Variants in CFAP54 observed in about 807,000 individuals in gnomAD.
The protein encoded by CFAP54 is cilia- and flagella-associated protein 54.
In CFAP54, 290 loss-of-function variants were observed where a neutral mutation model predicts 370.4. The ratio of observed to expected loss-of-function variants is 0.78; its 90% CI spans 0.71 to 0.86. The LOEUF is 0.86. Ranked by LOEUF, CFAP54 falls within the 40% of genes least tolerant of loss-of-function variation. The pLI is 0.00. For synonymous variants in CFAP54, 1,206 were observed against 1,236.5 expected (o/e 0.98, Z 0.52); for missense variants, 3,399 against 3,528.7 (o/e 0.96, Z 0.93).
intron 45 of CFAP54, among the ~76,000 whole-genome samples, chr12:96,696,835 T>G (rs1443831310): frequency 6.6e-6 from 1 of 152,138 alleles, no homozygotes. Flanking sequence ...TGAGCAGAGT[T>G]TGCCTGACCT....
At chr12:96,593,023 G>C (rs760713604) in intron 24 of CFAP54, among the ~76,000 whole-genome samples, 1 of 152,060 alleles carries the variant, frequency 6.6e-6, no homozygotes, top group Non-Finnish European at 1.5e-5. Context: ...ATGAAAATGG[G>C]ATTATGATCT....
At chr12:96,728,081 C>T (rs563508943) in intron 50 of CFAP54, among the ~76,000 whole-genome samples, 1 of 152,266 alleles carries the variant, frequency 6.6e-6, no homozygotes, top group South Asian at 2.1e-4. Flanking sequence ...TGTGGGTAAC[C>T]CAACCTTTCT....
At chr12:96,729,430 C>T (rs970702206) in intron 50 of CFAP54, among the ~76,000 whole-genome samples, 8 of 152,214 alleles carry the variant, frequency 5.3e-5, no homozygotes, top group Non-Finnish European at 1.2e-4. Flanking sequence ...AGTTTGATCT[C>T]AGACTGCTGT....
At chr12:96,559,836 A>T (rs1361332193) in intron 17 of CFAP54, among the ~76,000 whole-genome samples, 2 of 152,072 alleles carry the variant, frequency 1.3e-5, no homozygotes, top group African/African-American at 2.4e-5. Context: ...TAATAATATT[A>T]TTGATTATAT....
At chr12:96,751,961 A>C (rs1958188528) in intron 55 of CFAP54, among the ~76,000 whole-genome samples, 1 of 152,048 alleles carries the variant, frequency 6.6e-6, no homozygotes, top group Non-Finnish European at 1.5e-5. Context: ...GGAGCCTCCC[A>C]GAAGCAACGG....
intron 65 of CFAP54, among the ~76,000 whole-genome samples, chr12:96,821,702 TAA>T (rs10577712): frequency 0.48 from 63,090 of 131,546 alleles, 14,727 homozygotes; most frequent in South Asian, 0.6. Flanking sequence ...AGCACTTTAT[TAA>T]AAAAAAAAAA....
chr12:96,548,436 G>T lies in CFAP54; in HGVS notation c.2154+458G>T, dbSNP rs558804667. Among the ~76,000 whole-genome samples, 9 of 151,874 alleles carry T rather than the reference G, an allele frequency of 5.9e-5. No homozygotes were observed. The South Asian group carries it at 1.7e-3, about 28-fold the overall frequency. ...TATTTGGGAGCCCCCTGAAATAGAA[G>T]AACAAGTGCTAATTTTAAAAGTGTT... On this transcript the variant is annotated intron_variant, in intron 15 of 67. Coordinates refer to ENST00000524981, the MANE Select transcript of CFAP54 (RefSeq NM_001306084.2).
At chr12:96,870,535 G>T (rs1225998484) in intron 67 of CFAP54, among the ~76,000 whole-genome samples, 2 of 152,152 alleles carry the variant, frequency 1.3e-5, no homozygotes, top group African/African-American at 2.4e-5. Context: ...GATACATAAA[G>T]CACCTAGAAC....
At chr12:96,588,652 A>G (rs1396952814) in intron 22 of CFAP54, among the ~76,000 whole-genome samples, 1 of 150,286 alleles carries the variant, frequency 6.7e-6, no homozygotes, top group Non-Finnish European at 1.5e-5. Flanking sequence ...ACTTCATTCC[A>G]TGAATGCATT....
rs1329783813 is a variant in CFAP54, at chr12:96,647,964, C to T, written c.4637C>T (p.Ala1546Val). The T allele has an allele frequency of 4.6e-6, 7 of 1,522,828 alleles. No homozygotes were observed. The highest frequency in any genetic ancestry group is 3.7e-5 in the South Asian group (3 of 80,464). 94.3% of individuals were successfully genotyped at this position (1,522,828 alleles called of 1,614,324 possible). The change falls in exon 34 of 68, where the codon GCA becomes GTA. Residue 1546 changes from alanine to valine, a missense_variant. By Grantham distance (64) the Ala-to-Val change is moderately conservative. This residue lies in a region of CFAP54 where 2,796 missense variants were observed against 2,869.7 expected (regional missense o/e 0.97). Transcript: ENST00000524981. The part of the protein sequence containing the change: ...TRKLTVENYK[A>V]MLDFLLTAKK... ...AAATTGACTGTAGAAAATTATAAAGCAATGCTTGATTTCCTTCTTACAGCC... is the reference window on the plus strand; with the variant it reads ...AAATTGACTGTAGAAAATTATAAAGTAATGCTTGATTTCCTTCTTACAGCC...
intron 48 of CFAP54, among the ~76,000 whole-genome samples, chr12:96,711,248 G>A (rs1016584041): frequency 1.3e-5 from 2 of 151,920 alleles, no homozygotes; most frequent in Middle Eastern, 3.2e-3. Flanking sequence ...AAGGTTAGTA[G>A]TAATGTTTCC....
At chr12:96,670,694 G>T (rs1483961997) in intron 39 of CFAP54, among the ~76,000 whole-genome samples, 1 of 152,192 alleles carries the variant, frequency 6.6e-6, no homozygotes, top group Non-Finnish European at 1.5e-5. Context: ...TATAAACAAG[G>T]CCAAGGCAAG....
chr12:96,542,860 T>C (rs1955592107), intron 14 of CFAP54, among the ~76,000 whole-genome samples: 1 of 152,210 alleles, frequency 6.6e-6, no homozygotes, highest in African/African-American at 2.4e-5. Flanking sequence ...GTCTCTTAAA[T>C]CTCTCTAATC....
chr12:96,573,707 G>A (rs902293133), intron 19 of CFAP54, among the ~76,000 whole-genome samples: 8 of 152,192 alleles, frequency 5.3e-5, no homozygotes, highest in Non-Finnish European at 1.0e-4. Context: ...GGAAACAGAT[G>A]TCATCTTATC....
intron 66 of CFAP54, among the ~76,000 whole-genome samples, chr12:96,854,706 G>A (rs1310660795): frequency 6.6e-6 from 1 of 152,170 alleles, no homozygotes; most frequent in East Asian, 1.9e-4. Flanking sequence ...CCTTTATTGA[G>A]TCATCATTGT....
intron 32 of CFAP54, among the ~76,000 whole-genome samples, chr12:96,637,151 A>G (rs1462150227): frequency 6.6e-6 from 1 of 152,170 alleles, no homozygotes; most frequent in African/African-American, 2.4e-5. Flanking sequence ...ATCATATAAT[A>G]TGTGGTCCTT....
At chr12:96,619,636 G>C (rs1336023304) in intron 26 of CFAP54, among the ~76,000 whole-genome samples, 1 of 152,024 alleles carries the variant, frequency 6.6e-6, no homozygotes, top group Non-Finnish European at 1.5e-5. Context: ...CCTTTGGCTG[G>C]AAAAAATTCT....
intron 1 of CFAP54, among the ~76,000 whole-genome samples, chr12:96,491,823 G>A (rs1373639879): frequency 2.6e-5 from 4 of 152,100 alleles, no homozygotes; most frequent in East Asian, 1.9e-4. Context: ...GTACTGCTGC[G>A]ATCTCAGCTT....
Position 96,753,746 on chromosome 12 carries a change from A to G in CFAP54, c.7688A>G (p.His2563Arg), listed in dbSNP as rs1958217211. Residue 2563 changes from histidine to arginine, a missense_variant, in exon 56 of 68, where the codon CAT becomes CGT. This residue lies in a region of CFAP54 where 2,796 missense variants were observed against 2,869.7 expected (regional missense o/e 0.97). Coordinates refer to ENST00000524981, the MANE Select transcript of CFAP54 (RefSeq NM_001306084.2). Reference protein sequence around the residue: ...LLAKIKMRIGHTVAKQVYYKN... With the variant: ...LLAKIKMRIGRTVAKQVYYKN... ...CACCGAACTGTTTTTCTTTTAGGAC[A>G]TACAGTGGCCAAGCAAGTATATTAC... 2 of 1,613,180 alleles carry G rather than the reference A, an allele frequency of 1.2e-6. No individual in the cohort carries two copies. Among genetic ancestry groups the G allele is most frequent in the Non-Finnish European group, 8.5e-7 (1 of 1,179,462 alleles).
Sources: gnomAD v4.1 joint callset for allele counts (sites outside exome capture counted in the v4.1 genomes callset) on GRCh38, gnomAD v4.1.1 for gene constraint, gnomAD v4.1.1 regional missense constraint, MANE v1.5 for transcripts, NCBI Gene and HGNC (gene_info 2026-07-23, HGNC 2026-07-21) for gene names.